PLPP1: variants seen among roughly 807,000 people sequenced by gnomAD.
PLPP1 encodes the protein lipid phosphate phosphohydrolase 1a.
Under a neutral mutation model 31.2 loss-of-function variants are expected in PLPP1, and 24 were observed. The observed-to-expected ratio is 0.77, with a 90% CI of 0.56 to 1.08. The LOEUF is 1.08. PLPP1 is among the 50% of genes least tolerant of loss of function. The pLI, the probability that PLPP1 is intolerant of heterozygous loss-of-function variation, is 0.00. For synonymous variants in PLPP1, 146 were observed against 126.3 expected, an observed-to-expected ratio of 1.16 and a Z score of -1.05; for missense variants, 319 against 342.7, an observed-to-expected ratio of 0.93 and a Z score of 0.55.
At chr5:55,530,807 C>A (rs192730554) in intron 1 of PLPP1, 22 of 1,425,542 alleles carry the variant, frequency 1.5e-5, no homozygotes, top group Admixed American at 8.6e-5. Context: ...GCGGTCCGCA[C>A]GGGCGTTTTG....
chr5:55,439,777 GGAA>G (rs1751582397), intron 4 of PLPP1, among the ~76,000 whole-genome samples: 2 of 152,024 alleles, frequency 1.3e-5, no homozygotes, highest in African/African-American at 4.8e-5. Flanking sequence ...GAAGGGTCAA[GGAA>G]GAAGAGCAGA....
rs1751127215 is a variant in PLPP1 at position 55,424,908 on chromosome 5, TAGAA to T, written c.*294_*297del. Reference sequence around the variant, plus strand: ...TTATATTTAAATCAAACATCATTCATAGAAAGCATATTACATACATGTTTATACA... The same window carrying T: ...TTATATTTAAATCAAACATCATTCATAGCATATTACATACATGTTTATACA... On this transcript the variant is annotated 3_prime_UTR_variant, in exon 6 of 6. Coordinates refer to ENST00000307259, the MANE Select transcript of PLPP1 (RefSeq NM_003711.4). 1 of 667,326 alleles carries T rather than the reference TAGAA, an allele frequency of 1.5e-6. No individual in the cohort carries two copies. Among genetic ancestry groups the T allele is most frequent in the African/African-American group, 1.8e-5 (1 of 55,162 alleles). The allele number at this position is 667,326 out of a possible 1,614,324, so 41.3% of individuals were successfully genotyped here. A position where few individuals can be genotyped will look rare whatever the true frequency, so the allele number is the denominator to read the frequency against.
chr5:55,494,732 T>A (rs1292280257), intron 1 of PLPP1, among the ~76,000 whole-genome samples: 1 of 152,104 alleles, frequency 6.6e-6, no homozygotes, highest in Non-Finnish European at 1.5e-5. Context: ...TCTATCACGC[T>A]GTACTTTAAC....
intron 1 of PLPP1, among the ~76,000 whole-genome samples, chr5:55,494,988 G>A (rs543015011): frequency 1.4e-4 from 20 of 143,998 alleles, no homozygotes; most frequent in Non-Finnish European, 2.6e-4. Context: ...AAAAATAGCC[G>A]GGCATGGTGG....
rs569481201 is a variant in PLPP1, at chr5:55,465,986, T to C, written c.491+1883A>G. Reference sequence around the variant, plus strand: ...CCCATACACCTTAAGAGTCCAGTATTGATGTTGGTGTTTTCATCATTCCTC... The same window carrying C: ...CCCATACACCTTAAGAGTCCAGTATCGATGTTGGTGTTTTCATCATTCCTC... On this transcript the variant is annotated intron_variant, in intron 3 of 5. Coordinates refer to ENST00000307259, the MANE Select transcript of PLPP1 (RefSeq NM_003711.4). Among the ~76,000 whole-genome samples the C allele has an allele frequency of 4.6e-5, 7 of 152,340 alleles. No homozygotes were observed. In the South Asian group the frequency reaches 1.4e-3, roughly 32 times the overall value.
chr5:55,482,432 A>C (rs544792106), intron 1 of PLPP1, among the ~76,000 whole-genome samples: 4 of 152,262 alleles, frequency 2.6e-5, no homozygotes, highest in African/African-American at 7.2e-5. Context: ...TTTTTCATAA[A>C]ATTTTCTACC....
At chr5:55,443,969 T>C (rs527520511) in intron 3 of PLPP1, among the ~76,000 whole-genome samples, 1 of 152,342 alleles carries the variant, frequency 6.6e-6, no homozygotes, top group East Asian at 1.9e-4. Flanking sequence ...TCTAACTCTT[T>C]ATCGGAGTCT....
chr5:55,525,420 G>A (rs1753759407), intron 1 of PLPP1, among the ~76,000 whole-genome samples: 1 of 152,190 alleles, frequency 6.6e-6, no homozygotes. Flanking sequence ...ACTAGACTAT[G>A]CTGCCTAACA....
At chr5:55,464,683 A>G (rs1012528367) in intron 3 of PLPP1, among the ~76,000 whole-genome samples, 1 of 152,226 alleles carries the variant, frequency 6.6e-6, no homozygotes, top group African/African-American at 2.4e-5. Context: ...ATGAATTGCA[A>G]AACTAACATG....
chr5:55,449,082 G>A (rs1751837181), intron 3 of PLPP1, among the ~76,000 whole-genome samples: 1 of 152,146 alleles, frequency 6.6e-6, no homozygotes, highest in Non-Finnish European at 1.5e-5. Flanking sequence ...CACAGATATG[G>A]AGAACTGATT....
Position 55,485,752 on chromosome 5 carries a change from T to A in PLPP1, c.59-10302A>T, listed in dbSNP as rs7702723. Among the ~76,000 whole-genome samples, 292 of 152,144 alleles carry A rather than the reference T, an allele frequency of 1.9e-3. 3 individuals carry two copies. Among genetic ancestry groups the A allele is most frequent in the Non-Finnish European group, 1.6e-3 (106 of 68,006 alleles). The stretch of plus-strand genomic sequence containing the variant: ...AATCCCACTATTCAGAAAGAACGAT[T>A]ACTATTCTTCTCCCTCTCAATATAT... On this transcript the variant is annotated intron_variant, in intron 1 of 5. Transcript: ENST00000307259.
chr5:55,452,198 G>A (rs1751909159), intron 3 of PLPP1, among the ~76,000 whole-genome samples: 1 of 152,144 alleles, frequency 6.6e-6, no homozygotes, highest in African/African-American at 2.4e-5. Flanking sequence ...AATGTTGGAG[G>A]TGGGGCCTAG....
intron 1 of PLPP1, among the ~76,000 whole-genome samples, chr5:55,523,253 C>T (rs1038035512): frequency 2.0e-5 from 3 of 152,026 alleles, no homozygotes; most frequent in Non-Finnish European, 4.4e-5. Flanking sequence ...ATACTGTTTT[C>T]GTTATTTTTA....
chr5:55,431,164 T>G (rs895479428), intron 4 of PLPP1, among the ~76,000 whole-genome samples: 8 of 151,986 alleles, frequency 5.3e-5, no homozygotes, highest in African/African-American at 1.9e-4. Flanking sequence ...CCCGAAAACT[T>G]CCCAAGTCTA....
At chr5:55,512,846 A>C (rs1753468070) in intron 1 of PLPP1, among the ~76,000 whole-genome samples, 1 of 152,236 alleles carries the variant, frequency 6.6e-6, no homozygotes, top group Non-Finnish European at 1.5e-5. Flanking sequence ...CATTTCACCA[A>C]ATATTAACAA....
intron 4 of PLPP1, among the ~76,000 whole-genome samples, chr5:55,427,103 AAG>A (rs1309606775): frequency 3.0e-4 from 46 of 151,398 alleles, no homozygotes; most frequent in African/African-American, 1.1e-3. Context: ...AAAAAAAAAA[AAG>A]AAAACTACCT....
In PLPP1 at chr5:55,425,169, A is replaced by T. The variant is rs758857383; in HGVS notation, c.*37T>A. ...CCTTGTGGCAATCATTTTCCTTTAGAAAACAGGCCAGCTTCACCTGGGCAC... is the reference window on the plus strand; with the variant it reads ...CCTTGTGGCAATCATTTTCCTTTAGTAAACAGGCCAGCTTCACCTGGGCAC... On this transcript the variant is annotated 3_prime_UTR_variant, in exon 6 of 6. Transcript: ENST00000307259. 1.9e-6 allele frequency: 3 copies of T among 1,589,282 alleles called. No individual in the cohort carries two copies. The highest frequency in any genetic ancestry group is 2.6e-6 in the Non-Finnish European group (3 of 1,172,014).
chr5:55,432,255 T>C (rs1396145981), intron 4 of PLPP1, among the ~76,000 whole-genome samples: 1 of 152,096 alleles, frequency 6.6e-6, no homozygotes, highest in Non-Finnish European at 1.5e-5. Flanking sequence ...CAGAGACTAC[T>C]GCTAACTGCT....
At position 55,441,863 on chromosome 5, in the gene PLPP1, CATGCA is replaced by C. The variant is rs1359302651; in HGVS notation, c.532_536del (p.Cys178AlafsTer41). 3 of 1,613,638 alleles carry C rather than the reference CATGCA, an allele frequency of 1.9e-6. No homozygotes were observed. ...ACAAAGTACTTACTGCCACAAACAGCATGCAGTACATGGAAAACGAAGAGTGGCCT... is the reference window on the plus strand; with the variant it reads ...ACAAAGTACTTACTGCCACAAACAGCGTACATGGAAAACGAAGAGTGGCCT... On this transcript the variant is annotated frameshift_variant, in exon 4 of 6. Transcript: ENST00000307259. LOFTEE classifies it high-confidence loss of function.
Sources: allele counts gnomAD v4.1 joint callset (sites outside exome capture counted in the v4.1 genomes callset), GRCh38; gene constraint gnomAD v4.1.1; transcripts MANE v1.5; gene names NCBI Gene and HGNC (gene_info 2026-07-23, HGNC 2026-07-21).